Variants in N4BP2L1 observed in about 807,000 individuals in gnomAD.
The protein encoded by N4BP2L1 is NEDD4 binding protein 2 like 1, also known as NEDD4-binding protein 2-like 1.
N4BP2L1 carries 12 observed loss-of-function variants against 21.2 expected under a neutral mutation model. The observed-to-expected ratio is 0.57, with a 90% CI of 0.36 to 0.92. The LOEUF (loss-of-function observed/expected upper bound fraction) is 0.92. N4BP2L1 is among the 40% of genes least tolerant of loss of function. The pLI, the probability that N4BP2L1 is intolerant of heterozygous loss-of-function variation, is 0.01. For synonymous variants in N4BP2L1, 104 were observed against 112.8 expected (o/e 0.92, Z 0.49); for missense variants, 259 against 310.6 (o/e 0.83, Z 1.25).
intron 1 of N4BP2L1, among the ~76,000 whole-genome samples, chr13:32,408,977 C>G (rs2073691837): frequency 1.3e-5 from 2 of 152,142 alleles, no homozygotes; most frequent in South Asian, 4.1e-4. Flanking sequence ...ACCTATTAAA[C>G]AGAGCTTCTA....
intron 1 of N4BP2L1, among the ~76,000 whole-genome samples, chr13:32,410,886 G>A (rs2073821059): frequency 1.3e-5 from 2 of 151,754 alleles, no homozygotes; most frequent in Non-Finnish European, 2.9e-5. Context: ...TCTAAATCTG[G>A]TTTCATTTGT....
At chr13:32,419,703 T>C (rs1007765866) in intron 1 of N4BP2L1, among the ~76,000 whole-genome samples, 2 of 152,194 alleles carry the variant, frequency 1.3e-5, no homozygotes, top group South Asian at 4.1e-4. Flanking sequence ...TCCCCGGCCA[T>C]GCTGAACTGT....
intron 1 of N4BP2L1, among the ~76,000 whole-genome samples, chr13:32,415,489 G>A (rs2074086666): frequency 6.6e-6 from 1 of 151,504 alleles, no homozygotes; most frequent in East Asian, 1.9e-4. Context: ...GTTATTTTTG[G>A]CTATATTTAT....
chr13:32,407,221 T>C, intron 3 of N4BP2L1, 29 bp downstream of exon 3: 1 of 1,604,318 alleles, frequency 6.2e-7, no homozygotes, highest in Non-Finnish European at 8.5e-7. Flanking sequence ...TGTCCATAAC[T>C]GAAAATTCAG....
At chr13:32,422,763 G>C (rs1287797001) in intron 1 of N4BP2L1, among the ~76,000 whole-genome samples, 2 of 152,184 alleles carry the variant, frequency 1.3e-5, no homozygotes, top group African/African-American at 4.8e-5. Flanking sequence ...CCTCCAGAGA[G>C]AGGGTAAGGA....
chr13:32,420,210 G>C (rs1011921907), intron 1 of N4BP2L1, among the ~76,000 whole-genome samples: 8 of 152,182 alleles, frequency 5.3e-5, no homozygotes, highest in African/African-American at 1.9e-4. Context: ...CCTCATTCTC[G>C]TTTGTCAGTG....
At chr13:32,429,003 C>A (rs2074927988), upstream of N4BP2L1, among the ~76,000 whole-genome samples, 2 of 152,224 alleles carry the variant, frequency 1.3e-5, no homozygotes, top group African/African-American at 4.8e-5. Flanking sequence ...CAAAATTCAC[C>A]ATGCCTGCCT....
intron 4 of N4BP2L1, chr13:32,404,099 C>T: frequency 6.6e-7 from 1 of 1,522,698 alleles, no homozygotes; most frequent in Non-Finnish European, 8.9e-7. Flanking sequence ...TTTAAAGGAC[C>T]AAGTCCAAGC....
At chr13:32,410,116 T>C (rs546145791) in intron 1 of N4BP2L1, among the ~76,000 whole-genome samples, 219 of 152,316 alleles carry the variant, frequency 1.4e-3, no homozygotes, top group Middle Eastern at 3.4e-3. Flanking sequence ...TGAACTTCTT[T>C]TGTGTTGGCA....
intron 1 of N4BP2L1, among the ~76,000 whole-genome samples, chr13:32,418,266 A>G (rs2074260420): frequency 1.3e-5 from 2 of 152,208 alleles, no homozygotes; most frequent in African/African-American, 2.4e-5. Context: ...GGCCATGGCT[A>G]AAAGGGGTCA....
chr13:32,424,295 T>A (rs2074645289), intron 1 of N4BP2L1, among the ~76,000 whole-genome samples: 1 of 152,176 alleles, frequency 6.6e-6, no homozygotes, highest in African/African-American at 2.4e-5. Flanking sequence ...TCCTTTTCCT[T>A]CGTTCAGCCA....
chr13:32,418,561 G>A (rs1312926946), intron 1 of N4BP2L1, among the ~76,000 whole-genome samples: 2 of 152,208 alleles, frequency 1.3e-5, no homozygotes, highest in Non-Finnish European at 2.9e-5. Context: ...GCTGTAAGAA[G>A]AGGGCCACTG....
intron 1 of N4BP2L1, among the ~76,000 whole-genome samples, chr13:32,427,328 G>C (rs1256984489): frequency 6.6e-6 from 1 of 152,220 alleles, no homozygotes; most frequent in African/African-American, 2.4e-5. Context: ...CCAGCCCCGG[G>C]CCACTGCCAC....
chr13:32,404,306 AAAAC>A lies in N4BP2L1; in HGVS notation c.473+11_473+14del, dbSNP rs1334080104. 6.2e-7 allele frequency: 1 copy of A among 1,611,540 alleles called. No homozygotes were observed. Among genetic ancestry groups the A allele is most frequent in the Non-Finnish European group, 8.5e-7 (1 of 1,177,784 alleles). On this transcript the variant is annotated intron_variant, in intron 4 of 4. Coordinates refer to ENST00000380130, the MANE Select transcript of N4BP2L1 (RefSeq NM_052818.3). ...GCAGGATACATAATGAGGAACTAGAAAAACAAAGAAGTACCTTGCTAACTCTTGA... is the reference window on the plus strand; with the variant it reads ...GCAGGATACATAATGAGGAACTAGAAAAAGAAGTACCTTGCTAACTCTTGA...
At position 32,407,676 on chromosome 13, in the gene N4BP2L1, C is replaced by T; in HGVS notation, c.276G>A (p.Leu92=). 6.2e-7 allele frequency: 1 copy of T among 1,613,934 alleles called. No homozygotes were observed. Among genetic ancestry groups the T allele is most frequent in the Non-Finnish European group, 8.5e-7 (1 of 1,180,006 alleles). ...TTTGGTTCCATTCATGAGCTTCCTC[C>T]AGGAAGTCAGGATTGAACTCATAGG... ...DGAYEFNPDF[L]EEAHEWNQKR... is the part of the protein sequence containing the mutation. Residue 92 remains leucine (L), a synonymous_variant, in exon 2 of 5, where the codon CTG becomes CTA. Transcript: ENST00000380130.
intron 1 of N4BP2L1, among the ~76,000 whole-genome samples, chr13:32,422,186 T>C (rs1431196421): frequency 1.3e-5 from 1 of 75,376 alleles, no homozygotes; most frequent in Non-Finnish European, 2.3e-5. Context: ...GAAACATTAA[T>C]ATTGACAACA....
At chr13:32,414,865 T>C (rs1393469397) in intron 1 of N4BP2L1, among the ~76,000 whole-genome samples, 1 of 152,218 alleles carries the variant, frequency 6.6e-6, no homozygotes, top group Non-Finnish European at 1.5e-5. Flanking sequence ...CACATGGGTA[T>C]TACAGACTCT....
At chr13:32,418,703 G>GC (rs1472809614) in intron 1 of N4BP2L1, among the ~76,000 whole-genome samples, 10 of 152,262 alleles carry the variant, frequency 6.6e-5, no homozygotes, top group African/African-American at 2.4e-4. Context: ...CAGGGGTGGA[G>GC]CTGCCCAAGG....
intron 1 of N4BP2L1, among the ~76,000 whole-genome samples, chr13:32,415,304 C>T (rs1178095036): frequency 6.6e-6 from 1 of 152,176 alleles, no homozygotes; most frequent in African/African-American, 2.4e-5. Flanking sequence ...GGCACACTGC[C>T]ACACCCAACA....
Sources: gnomAD v4.1 joint callset for allele counts (sites outside exome capture counted in the v4.1 genomes callset) on GRCh38, gnomAD v4.1.1 for gene constraint, MANE v1.5 for transcripts, NCBI Gene and HGNC (gene_info 2026-07-23, HGNC 2026-07-21) for gene names.